PTPRZ1: variants seen among roughly 807,000 people sequenced by gnomAD.
PTPRZ1 encodes protein tyrosine phosphatase receptor type Z1.
Under a neutral mutation model 214.1 loss-of-function variants are expected in PTPRZ1, and 82 were observed. That is an observed-to-expected ratio of 0.38 (90% CI 0.32 to 0.46). The LOEUF (loss-of-function observed/expected upper bound fraction) is 0.46, where lower values mean the gene tolerates loss of function less well. Among genes scored for constraint, PTPRZ1 ranks in the 20% least tolerant of loss-of-function variants. The probability of loss-of-function intolerance (pLI) is 1.00; values close to 1 mark genes in which losing one functional copy is unlikely to be tolerated. For synonymous variants in PTPRZ1, 945 were observed against 987.9 expected (o/e 0.96, Z 0.81); for missense variants, 2,603 against 2,748.7 (o/e 0.95, Z 1.19).
intron 1 of PTPRZ1, among the ~76,000 whole-genome samples, chr7:121,887,872 C>G (rs1369943066): frequency 1.3e-5 from 2 of 152,012 alleles, no homozygotes; most frequent in African/African-American, 2.4e-5. Context: ...CTTCATCCCC[C>G]CAACACCCCA....
chr7:122,052,664 G>A (rs1416558711), intron 25 of PTPRZ1, among the ~76,000 whole-genome samples: 1 of 152,118 alleles, frequency 6.6e-6, no homozygotes, highest in Non-Finnish European at 1.5e-5. Flanking sequence ...AAGCAGAAGG[G>A]GCTAGAAGAG....
At chr7:121,903,999 C>CACACACAA (rs1795047450) in intron 1 of PTPRZ1, among the ~76,000 whole-genome samples, 1 of 151,242 alleles carries the variant, frequency 6.6e-6, no homozygotes, top group African/African-American at 2.4e-5. Flanking sequence ...CACACACACA[C>CACACACAA]AATAGTAGGT....
chr7:121,949,986 A>G (rs191670326), intron 2 of PTPRZ1, among the ~76,000 whole-genome samples: 123 of 152,308 alleles, frequency 8.1e-4, no homozygotes, highest in African/African-American at 2.9e-3. Context: ...GTATTAGCCC[A>G]TTTTCATGCT....
chr7:121,954,705 G>A (rs1031295354), intron 2 of PTPRZ1, among the ~76,000 whole-genome samples: 2 of 152,058 alleles, frequency 1.3e-5, no homozygotes, highest in African/African-American at 4.8e-5. Flanking sequence ...TTTGTACCAG[G>A]TAGATATTCT....
intron 2 of PTPRZ1, among the ~76,000 whole-genome samples, chr7:121,957,663 T>C (rs1056519784): frequency 2.8e-4 from 43 of 152,234 alleles, no homozygotes; most frequent in Admixed American, 2.6e-3. Flanking sequence ...ATATATTATC[T>C]GATTTAATTT....
intron 8 of PTPRZ1, among the ~76,000 whole-genome samples, chr7:121,986,200 G>A (rs1023718544): frequency 2.6e-5 from 4 of 152,114 alleles, no homozygotes; most frequent in Admixed American, 6.5e-5. Context: ...AATATTTGAC[G>A]TAGACCTCAC....
At chr7:121,994,289 C>CTT (rs35332072) in intron 8 of PTPRZ1, among the ~76,000 whole-genome samples, 11,969 of 74,894 alleles carry the variant, frequency 0.16, 3,078 homozygotes, top group African/African-American at 0.29. Flanking sequence ...TAATGCATTT[C>CTT]TTTTTTTTTT....
At chr7:121,966,288 G>A (rs1484114555) in intron 2 of PTPRZ1, among the ~76,000 whole-genome samples, 1 of 152,236 alleles carries the variant, frequency 6.6e-6, no homozygotes, top group South Asian at 2.1e-4. Context: ...TGTTATTGAA[G>A]ATTTAAAATT....
intron 1 of PTPRZ1, among the ~76,000 whole-genome samples, chr7:121,892,755 C>G (rs1251226325): frequency 7.1e-6 from 1 of 140,362 alleles, no homozygotes; most frequent in Non-Finnish European, 1.5e-5. Flanking sequence ...TGCAGTGACT[C>G]TTAAGAAAAT....
chr7:121,928,516 G>A (rs972165850), intron 2 of PTPRZ1, among the ~76,000 whole-genome samples: 1 of 151,872 alleles, frequency 6.6e-6, no homozygotes, highest in African/African-American at 2.4e-5. Context: ...TTTTTTCAAC[G>A]GTGAAATGGG....
intron 2 of PTPRZ1, among the ~76,000 whole-genome samples, chr7:121,956,614 A>T (rs1469091855): frequency 6.6e-6 from 1 of 152,276 alleles, no homozygotes; most frequent in African/African-American, 2.4e-5. Flanking sequence ...TCTCAGTGGC[A>T]CCACTGGAAA....
intron 6 of PTPRZ1, among the ~76,000 whole-genome samples, chr7:121,980,703 T>A (rs1797579506): frequency 6.6e-6 from 1 of 152,248 alleles, no homozygotes; most frequent in East Asian, 1.9e-4. Flanking sequence ...TACAGAAAAG[T>A]TAACATTTAC....
At position 122,034,319 on chromosome 7, in the gene PTPRZ1, C is replaced by A. The variant is rs774982510; in HGVS notation, c.5225C>A (p.Ala1742Glu). Residue 1742 changes from alanine (A) to glutamate (E), a missense_variant, in exon 17 of 30, where the codon GCA becomes GAA. Physicochemically the swap from Ala to Glu is moderately radical, Grantham distance 107. Coordinates refer to ENST00000393386, the MANE Select transcript of PTPRZ1 (RefSeq NM_002851.3). Reference protein sequence around the residue: ...QSCTVDLGITADSSNHPDNKH... With the variant: ...QSCTVDLGITEDSSNHPDNKH... ...TGTACTGTTGACTTAGGTATTACAG[C>A]AGACAGCTCCAACCACCCAGACAAC... 6.2e-7 allele frequency: 1 copy of A among 1,613,438 alleles called. No homozygotes were observed. The highest frequency in any genetic ancestry group is 1.1e-5 in the South Asian group (1 of 91,044).
At chr7:121,894,566 C>T (rs748879227) in intron 1 of PTPRZ1, among the ~76,000 whole-genome samples, 3 of 151,952 alleles carry the variant, frequency 2.0e-5, no homozygotes, top group Non-Finnish European at 2.9e-5. Context: ...CTTCCATGCC[C>T]GGCTAATTTT....
intron 6 of PTPRZ1, among the ~76,000 whole-genome samples, chr7:121,981,301 A>G (rs574388539): frequency 2.0e-5 from 3 of 152,214 alleles, no homozygotes; most frequent in African/African-American, 7.2e-5. Flanking sequence ...ATCTTAATGC[A>G]AATGGTCTAG....
At chr7:121,954,134 TCACCTTAC>T (rs1345127780) in intron 2 of PTPRZ1, among the ~76,000 whole-genome samples, 1 of 152,230 alleles carries the variant, frequency 6.6e-6, no homozygotes, top group Non-Finnish European at 1.5e-5. Context: ...GTAATAATCT[TCACCTTAC>T]CAATTGGTAG....
intron 1 of PTPRZ1, among the ~76,000 whole-genome samples, chr7:121,880,742 C>T (rs535752386): frequency 5.3e-5 from 8 of 152,228 alleles, no homozygotes; most frequent in African/African-American, 1.9e-4. Flanking sequence ...ATATTGTCAT[C>T]AGATTGAAAA....
intron 18 of PTPRZ1, 58 bp downstream of exon 18, chr7:122,036,740 C>T (rs1012413770): frequency 8.4e-7 from 1 of 1,189,458 alleles, no homozygotes; most frequent in African/African-American, 1.5e-5. Context: ...ATTATTATAC[C>T]ATAATGCCAT....
chr7:121,967,014 C>T (rs986358001), intron 2 of PTPRZ1: 1 of 152,122 alleles, frequency 6.6e-6, no homozygotes, highest in Non-Finnish European at 1.5e-5. Flanking sequence ...TAACCAGAGA[C>T]TTGGACTCTC....
Sources: gnomAD v4.1 joint callset for allele counts (sites outside exome capture counted in the v4.1 genomes callset) on GRCh38, gnomAD v4.1.1 for gene constraint, MANE v1.5 for transcripts, NCBI Gene and HGNC (gene_info 2026-07-23, HGNC 2026-07-21) for gene names.